PRKG1: variants seen among roughly 807,000 people sequenced by gnomAD.
PRKG1 encodes protein kinase cGMP-dependent 1.
PRKG1 carries 35 observed loss-of-function variants against 88.1 expected under a neutral mutation model. The ratio of observed to expected loss-of-function variants is 0.40; its 90% CI spans 0.30 to 0.53. The LOEUF (loss-of-function observed/expected upper bound fraction) is 0.53, where lower values mean the gene tolerates loss of function less well. Ranked by LOEUF, PRKG1 falls within the 20% of genes least tolerant of loss-of-function variation. PRKG1 has a pLI of 0.59. For missense variants in PRKG1, 540 were observed against 839.8 expected, an observed-to-expected ratio of 0.64 and a Z score of 4.41; for synonymous variants, 303 against 292.5, an observed-to-expected ratio of 1.04 and a Z score of -0.37.
chr10:51,897,220 C>T (rs1841873707), intron 4 of PRKG1, among the ~76,000 whole-genome samples: 1 of 152,176 alleles, frequency 6.6e-6, no homozygotes, highest in African/African-American at 2.4e-5. Flanking sequence ...AATCCTTCAT[C>T]AATATGGATT....
At chr10:51,906,209 G>T (rs565512793) in intron 4 of PRKG1, among the ~76,000 whole-genome samples, 1 of 152,158 alleles carries the variant, frequency 6.6e-6, no homozygotes. Flanking sequence ...GAGCTTGAAG[G>T]AACCTGGTGA....
At chr10:52,079,802 A>G (rs947472068) in intron 7 of PRKG1, among the ~76,000 whole-genome samples, 1 of 152,210 alleles carries the variant, frequency 6.6e-6, no homozygotes, top group Admixed American at 6.5e-5. Flanking sequence ...GTTTGAATTT[A>G]GTCTTCCAGA....
At chr10:51,856,988 A>C (rs2132820175) in intron 4 of PRKG1, among the ~76,000 whole-genome samples, 2 of 151,326 alleles carry the variant, frequency 1.3e-5, no homozygotes, top group South Asian at 4.2e-4. Context: ...AAAAAAAAAA[A>C]GAAAGAAAGT....
At chr10:51,197,624 G>A (rs770991750) in intron 2 of PRKG1, among the ~76,000 whole-genome samples, 15 of 151,924 alleles carry the variant, frequency 9.9e-5, no homozygotes, top group Non-Finnish European at 1.8e-4. Context: ...CTACAGGACT[G>A]AGGTACACAT....
At chr10:52,157,631 C>G (rs1838158379) in intron 8 of PRKG1, among the ~76,000 whole-genome samples, 1 of 151,438 alleles carries the variant, frequency 6.6e-6, no homozygotes, top group South Asian at 2.1e-4. Context: ...ACTTCTAAAA[C>G]AGACACGTTT....
chr10:52,288,051 ATTAAACT>A (rs1334132474), intron 14 of PRKG1, among the ~76,000 whole-genome samples: 1 of 152,168 alleles, frequency 6.6e-6, no homozygotes, highest in Non-Finnish European at 1.5e-5. Flanking sequence ...TCTAATTTAG[ATTAAACT>A]TTAAACTAGA....
At chr10:51,010,526 G>T (rs995791454) in intron 1 of PRKG1, among the ~76,000 whole-genome samples, 2 of 151,988 alleles carry the variant, frequency 1.3e-5, no homozygotes, top group African/African-American at 2.4e-5. Context: ...ATATATATGT[G>T]GTATCCTAAC....
chr10:51,713,724 G>A lies in PRKG1; in HGVS notation c.593-90861G>A, dbSNP rs944970689. Reference sequence around the variant, plus strand: ...GAACATTTCCTAGCTTTAGAACTATGGAAGTCTTTTGCAGACTCTAAAACA... The same window carrying A: ...GAACATTTCCTAGCTTTAGAACTATAGAAGTCTTTTGCAGACTCTAAAACA... On this transcript the variant is annotated intron_variant, in intron 3 of 17. Transcript: ENST00000373980. Among the ~76,000 whole-genome samples, 5 of 152,312 alleles carry A rather than the reference G, an allele frequency of 3.3e-5. No homozygotes were observed. The East Asian group carries it at 5.8e-4, about 18-fold the overall frequency.
At chr10:51,426,648 C>T (rs558268559) in intron 2 of PRKG1, among the ~76,000 whole-genome samples, 1 of 152,054 alleles carries the variant, frequency 6.6e-6, no homozygotes, top group South Asian at 2.1e-4. Context: ...TGCAGAATAC[C>T]CTGAATTCAT....
intron 3 of PRKG1, among the ~76,000 whole-genome samples, chr10:51,665,202 C>G (rs1840394000): frequency 6.6e-6 from 1 of 151,976 alleles, no homozygotes; most frequent in Non-Finnish European, 1.5e-5. Flanking sequence ...AAATAAAAAT[C>G]TAAATTGCAG....
intron 10 of PRKG1, among the ~76,000 whole-genome samples, chr10:52,262,329 T>C (rs1358757232): frequency 1.3e-5 from 2 of 152,094 alleles, no homozygotes; most frequent in Non-Finnish European, 2.9e-5. Flanking sequence ...TGGAGTACAG[T>C]GGTACAATCT....
chr10:52,154,330 C>CT (rs1465064082), intron 8 of PRKG1, among the ~76,000 whole-genome samples: 1 of 152,112 alleles, frequency 6.6e-6, no homozygotes, highest in Non-Finnish European at 1.5e-5. Context: ...GTACCCTGTT[C>CT]AAAAACACAA....
At chr10:51,495,129 C>G (rs1219231538) in intron 3 of PRKG1, among the ~76,000 whole-genome samples, 1 of 152,018 alleles carries the variant, frequency 6.6e-6, no homozygotes, top group Non-Finnish European at 1.5e-5. Context: ...GAGTCTCGCT[C>G]TGTCACCCAG....
At chr10:51,186,972 ATATATATATATG>A (rs940486064) in intron 2 of PRKG1, among the ~76,000 whole-genome samples, 6 of 146,032 alleles carry the variant, frequency 4.1e-5, no homozygotes, top group African/African-American at 1.5e-4. Context: ...ATATATATAT[ATATATATATATG>A]TATATATATA....
intron 2 of PRKG1, among the ~76,000 whole-genome samples, chr10:51,385,102 T>G (rs1564471122): frequency 6.6e-6 from 1 of 152,226 alleles, no homozygotes; most frequent in Non-Finnish European, 1.5e-5. Context: ...AAGTTACTAA[T>G]AAAAACACAG....
chr10:51,999,960 A>G (rs1844551422), intron 5 of PRKG1, among the ~76,000 whole-genome samples: 1 of 152,150 alleles, frequency 6.6e-6, no homozygotes, highest in South Asian at 2.1e-4. Flanking sequence ...TCGAATTTAT[A>G]TTAGTCCAAT....
At chr10:51,502,039 A>T (rs1235861929) in intron 3 of PRKG1, among the ~76,000 whole-genome samples, 1 of 152,150 alleles carries the variant, frequency 6.6e-6, no homozygotes, top group Admixed American at 6.6e-5. Flanking sequence ...ATAAATAAAA[A>T]CAATTTAAAC....
At chr10:51,340,139 T>C (rs1841973143) in intron 2 of PRKG1, among the ~76,000 whole-genome samples, 2 of 152,142 alleles carry the variant, frequency 1.3e-5, no homozygotes, top group Admixed American at 1.3e-4. Context: ...TGCCACTTTG[T>C]TGTGTCTACT....
chr10:51,231,766 G>A (rs1042177689), intron 2 of PRKG1, among the ~76,000 whole-genome samples: 2 of 150,026 alleles, frequency 1.3e-5, no homozygotes, highest in Admixed American at 6.7e-5. Flanking sequence ...CTGGAGAATT[G>A]ATAAACTGAT....
Sources: allele counts gnomAD v4.1 joint callset (sites outside exome capture counted in the v4.1 genomes callset), GRCh38; gene constraint gnomAD v4.1.1; transcripts MANE v1.5; gene names NCBI Gene and HGNC (gene_info 2026-07-23, HGNC 2026-07-21).